MYOM2: variants seen among roughly 807,000 people sequenced by gnomAD.
MYOM2 encodes myomesin-2.
A neutral mutation model predicts 187.6 loss-of-function variants in MYOM2; 254 were observed. The observed-to-expected ratio is 1.35, with a 90% CI of 1.22 to 1.50. MYOM2 has a LOEUF of 1.50. Ranked by LOEUF, MYOM2 falls within the 40% of genes most tolerant of loss-of-function variation. The pLI is 0.00. For missense variants in MYOM2, 2,796 were observed against 1,924.0 expected (o/e 1.45, Z -8.48); for synonymous variants, 981 against 753.8 (o/e 1.30, Z -4.94).
In MYOM2 at chr8:2,073,321, G is replaced by A. The variant is rs774533522; in HGVS notation, c.959-18G>A. The A allele has an allele frequency of 1.8e-5, 28 of 1,594,792 alleles. No homozygotes were observed. The highest frequency in any genetic ancestry group is 2.7e-5 in the African/African-American group (2 of 74,162). ...GGGTGATTTTGGATGCAAACCTTCC[G>A]TGTTAACGCTCTTTCAGACGTGCTG... On this transcript the variant is annotated intron_variant, in intron 9 of 36. Coordinates refer to ENST00000262113, the MANE Select transcript of MYOM2 (RefSeq NM_003970.4).
chr8:2,048,507 C>G (rs1412868609), intron 1 of MYOM2, among the ~76,000 whole-genome samples: 1 of 152,236 alleles, frequency 6.6e-6, no homozygotes, highest in Non-Finnish European at 1.5e-5. Context: ...CTGCAGAATT[C>G]TTGAACCATG....
At chr8:2,080,326 G>A (rs1004558766) in intron 13 of MYOM2, among the ~76,000 whole-genome samples, 1 of 152,224 alleles carries the variant, frequency 6.6e-6, no homozygotes, top group Non-Finnish European at 1.5e-5. Context: ...TAGAGCTGCA[G>A]ACTCAAAAGC....
At position 2,085,295 on chromosome 8, in the gene MYOM2, G is replaced by A. The variant is rs761644576; in HGVS notation, c.1549G>A (p.Val517Met). ...DAQVPGPPTG[V>M]HASEISRNYV... ...CCAGGTTCCAGGGCCTCCCACCGGT[G>A]TGCACGCTTCCGAGATCAGCAGAAA... Residue 517 changes from valine to methionine, a missense_variant, in exon 14 of 37, where the codon GTG becomes ATG. Coordinates refer to ENST00000262113, the MANE Select transcript of MYOM2 (RefSeq NM_003970.4). 1.3e-5 allele frequency: 21 copies of A among 1,614,176 alleles called. No homozygotes were observed. Among genetic ancestry groups the A allele is most frequent in the Non-Finnish European group, 1.8e-5 (21 of 1,180,038 alleles).
intron 25 of MYOM2, among the ~76,000 whole-genome samples, chr8:2,112,091 C>T (rs1176019862): frequency 6.6e-6 from 1 of 152,154 alleles, no homozygotes; most frequent in African/African-American, 2.4e-5. Context: ...TCTTCCTTTC[C>T]CAGTGGACGG....
At chr8:2,074,557 C>A (rs909898921) in intron 10 of MYOM2, among the ~76,000 whole-genome samples, 1 of 152,096 alleles carries the variant, frequency 6.6e-6, no homozygotes, top group Non-Finnish European at 1.5e-5. Flanking sequence ...TGGGTTCAAG[C>A]GATTCTCCTG....
intron 28 of MYOM2, among the ~76,000 whole-genome samples, chr8:2,120,680 T>A (rs1314329228): frequency 1.0e-4 from 5 of 48,280 alleles, no homozygotes; most frequent in African/African-American, 1.3e-4. Flanking sequence ...ATATATTATA[T>A]TATATATAAA....
chr8:2,075,298 A>G (rs1471904816), intron 10 of MYOM2, among the ~76,000 whole-genome samples: 1 of 152,108 alleles, frequency 6.6e-6, no homozygotes, highest in Non-Finnish European at 1.5e-5. Flanking sequence ...TCCGCCCCAT[A>G]AAAAGGCAAT....
At position 2,132,901 on chromosome 8, in the gene MYOM2, G is replaced by A. The variant is rs996870662; in HGVS notation, c.3800+3669G>A. ...GCCTGACACCCCAGACACCTTCCCC[G>A]GCACATCTTCGTCCTTATGTCCACA... On this transcript the variant is annotated intron_variant, in intron 32 of 36. Coordinates refer to ENST00000262113, the MANE Select transcript of MYOM2 (RefSeq NM_003970.4). Among the ~76,000 whole-genome samples the A allele has an allele frequency of 4.6e-5, 7 of 152,288 alleles. 1 individual carries two copies. The highest frequency in any genetic ancestry group is 1.7e-4 in the African/African-American group (7 of 41,558).
chr8:2,100,064 C>CTTTCCTTCCTTT, intron 19 of MYOM2, among the ~76,000 whole-genome samples: 2 of 102,926 alleles, frequency 1.9e-5, no homozygotes, highest in African/African-American at 6.0e-5. Context: ...TTCCTTCCTT[C>CTTTCCTTCCTTT]CTTCTTTCCT....
Position 2,120,898 on chromosome 8 carries a change from A to G in MYOM2, c.3454-2354A>G, listed in dbSNP as rs528719136. 5.3e-5 allele frequency among the ~76,000 whole-genome samples: 8 copies of G among 151,106 alleles called. No individual in the cohort carries two copies. The East Asian group carries it at 1.6e-3, about 30-fold the overall frequency. ...GGTTGTGGTAAATTTATTATAGAAAAATACTTAGATTTATTTTTGGTAGTG... is the reference window on the plus strand; with the variant it reads ...GGTTGTGGTAAATTTATTATAGAAAGATACTTAGATTTATTTTTGGTAGTG... On this transcript the variant is annotated intron_variant, in intron 28 of 36. Transcript: ENST00000262113.
intron 31 of MYOM2, among the ~76,000 whole-genome samples, chr8:2,127,037 CTG>C (rs1317931755): frequency 1.3e-5 from 2 of 151,808 alleles, no homozygotes; most frequent in African/African-American, 2.4e-5. Context: ...TGCTTCTGGT[CTG>C]TGTGCTTTGC....
chr8:2,124,308 C>T, intron 31 of MYOM2, 91 bp downstream of exon 31: 1 of 1,315,826 alleles, frequency 7.6e-7, no homozygotes, highest in South Asian at 1.3e-5. Context: ...AAGAGGGCAC[C>T]ATGGAGCTGT....
At chr8:2,123,489 G>C in intron 29 of MYOM2, 66 bp from the exon 30 acceptor site, 1 of 1,490,118 alleles carries the variant, frequency 6.7e-7, no homozygotes, top group South Asian at 1.1e-5. Flanking sequence ...ATGTATTAGA[G>C]TTTATTACGT....
At chr8:2,136,134 C>G (rs945999589) in intron 32 of MYOM2, among the ~76,000 whole-genome samples, 1 of 152,196 alleles carries the variant, frequency 6.6e-6, no homozygotes. Flanking sequence ...GTGTGTGATG[C>G]AAGAGAACCT....
At chr8:2,084,791 T>C (rs912000131) in intron 13 of MYOM2, among the ~76,000 whole-genome samples, 28 of 152,252 alleles carry the variant, frequency 1.8e-4, no homozygotes, top group African/African-American at 5.8e-4. Flanking sequence ...TAGAAGTAGA[T>C]GTGTCATTTA....
chr8:2,093,424 C>T (rs1005392577), intron 16 of MYOM2, among the ~76,000 whole-genome samples: 20 of 152,120 alleles, frequency 1.3e-4, no homozygotes, highest in African/African-American at 4.3e-4. Context: ...CTAAGTTGTC[C>T]ACCTAGAGTT....
chr8:2,116,277 T>G lies in MYOM2; in HGVS notation c.3385+2T>G. The stretch of plus-strand genomic sequence containing the variant: ...GGAAAGAATTTCTCAGGAAACAAGG[T>G]GAGTTTCCTCACTCTGACCGGCTCC... On this transcript the variant is annotated splice_donor_variant, in intron 27 of 36. Transcript: ENST00000262113. LOFTEE classifies it high-confidence loss of function. 1.9e-6 allele frequency: 3 copies of G among 1,612,192 alleles called. No homozygotes were observed. In the East Asian group the frequency reaches 6.7e-5, roughly 36 times the overall value.
intron 13 of MYOM2, among the ~76,000 whole-genome samples, chr8:2,083,351 T>TGTGCTTAGTGGCATCTAGC (rs1819694877): frequency 2.6e-5 from 4 of 151,850 alleles, no homozygotes; most frequent in African/African-American, 9.7e-5. Context: ...CGGTATCTTA[T>TGTGCTTAGTGGCATCTAGC]GTGTGCTTAG....
At chr8:2,108,403 C>T (rs1796962567) in intron 23 of MYOM2, among the ~76,000 whole-genome samples, 1 of 151,862 alleles carries the variant, frequency 6.6e-6, no homozygotes, top group Admixed American at 6.6e-5. Context: ...AAGTCACAGG[C>T]CAGAAGCACG....
Sources: gnomAD v4.1 joint callset for allele counts (sites outside exome capture counted in the v4.1 genomes callset) on GRCh38, gnomAD v4.1.1 for gene constraint, MANE v1.5 for transcripts, NCBI Gene and HGNC (gene_info 2026-07-23, HGNC 2026-07-21) for gene names.